Variants in PXDNL observed in about 807,000 individuals in gnomAD.
The protein encoded by PXDNL is probable oxidoreductase PXDNL.
Under a neutral mutation model 150.8 loss-of-function variants are expected in PXDNL, and 145 were observed. That is an observed-to-expected ratio of 0.96 (90% CI 0.84 to 1.10). The LOEUF is 1.10. Ranked by LOEUF, PXDNL falls within the 50% of genes least tolerant of loss-of-function variation. The pLI, the probability that PXDNL is intolerant of heterozygous loss-of-function variation, is 0.00. For missense variants in PXDNL, 2,087 were observed against 1,873.9 expected (o/e 1.11, Z -2.10); for synonymous variants, 757 against 725.7 (o/e 1.04, Z -0.69).
At chr8:51,761,585 G>A (rs1420790195) in intron 1 of PXDNL, among the ~76,000 whole-genome samples, 1 of 152,110 alleles carries the variant, frequency 6.6e-6, no homozygotes, top group Non-Finnish European at 1.5e-5. Flanking sequence ...AAAAAGCTAA[G>A]ATTTAAAGCT....
intron 4 of PXDNL, among the ~76,000 whole-genome samples, chr8:51,538,473 A>T (rs1312668764): frequency 6.6e-6 from 1 of 152,142 alleles, no homozygotes; most frequent in African/African-American, 2.4e-5. Flanking sequence ...AACAATTTTT[A>T]AAAATAAATC....
chr8:51,572,460 C>T (rs975372452), intron 3 of PXDNL, among the ~76,000 whole-genome samples: 12 of 151,742 alleles, frequency 7.9e-5, no homozygotes, highest in Admixed American at 2.0e-4. Context: ...TAAACCAAAA[C>T]GAAGGTGAAA....
intron 2 of PXDNL, among the ~76,000 whole-genome samples, chr8:51,608,736 C>A (rs1319913650): frequency 6.9e-6 from 1 of 145,308 alleles, no homozygotes; most frequent in Non-Finnish European, 1.5e-5. Context: ...GCTCGGGAGG[C>A]TGAGGCAGGA....
intron 4 of PXDNL, among the ~76,000 whole-genome samples, chr8:51,525,964 C>T (rs1355482377): frequency 1.3e-5 from 2 of 152,214 alleles, no homozygotes; most frequent in African/African-American, 4.8e-5. Flanking sequence ...AAATGGCATG[C>T]TCACTCATAC....
At chr8:51,507,191 T>TATAATAATG (rs1308212436) in intron 4 of PXDNL, among the ~76,000 whole-genome samples, 2 of 152,204 alleles carry the variant, frequency 1.3e-5, no homozygotes, top group Non-Finnish European at 1.5e-5. Flanking sequence ...GAATACCTAT[T>TATAATAATG]ATAATAATGG....
At chr8:51,359,556 G>C (rs1008502574) in intron 19 of PXDNL, among the ~76,000 whole-genome samples, 1 of 69,176 alleles carries the variant, frequency 1.4e-5, no homozygotes, top group Admixed American at 1.9e-4. Flanking sequence ...GAACGTTTCA[G>C]AAGGAAAAAA....
chr8:51,719,444 A>T (rs1241907089), intron 1 of PXDNL, among the ~76,000 whole-genome samples: 2 of 152,178 alleles, frequency 1.3e-5, no homozygotes, highest in African/African-American at 2.4e-5. Flanking sequence ...TGAAGGCAGC[A>T]TGCTCTTTAA....
chr8:51,527,255 C>T (rs914937091), intron 4 of PXDNL, among the ~76,000 whole-genome samples: 2 of 151,174 alleles, frequency 1.3e-5, no homozygotes, highest in South Asian at 4.2e-4. Flanking sequence ...CCTTCACACA[C>T]CCCCTTCCTA....
At chr8:51,499,575 C>A in intron 5 of PXDNL, 124 bp downstream of exon 5, 1 of 656,770 alleles carries the variant, frequency 1.5e-6, no homozygotes, top group South Asian at 2.0e-5. Flanking sequence ...TTTGTAGTGC[C>A]AAGGTACAGG....
intron 1 of PXDNL, among the ~76,000 whole-genome samples, chr8:51,733,228 CAT>C (rs1404204127): frequency 6.6e-6 from 1 of 152,186 alleles, no homozygotes. Flanking sequence ...GACTGTAAAA[CAT>C]ATTCACTAGC....
At position 51,408,372 on chromosome 8, in the gene PXDNL, C is replaced by T. The variant is rs748378571; in HGVS notation, c.3252G>A (p.Ala1084=). The change falls in exon 17 of 23, where the codon GCG becomes GCA. Residue 1084 remains alanine, a synonymous_variant. Coordinates refer to ENST00000356297, the MANE Select transcript of PXDNL (RefSeq NM_144651.5). ...TGATTATTCTGGACGGTGAAAAGAG[C>T]GCTTTATGGAACGGAAGGTGGCCTT... ...ISEGHLPFHK[A]LFSPSRIIKE... is the part of the protein sequence containing the mutation. 7 of 1,613,884 alleles carry T rather than the reference C, an allele frequency of 4.3e-6. No homozygotes were observed. The highest frequency in any genetic ancestry group is 2.2e-5 in the East Asian group (1 of 44,896).
chr8:51,594,531 A>C (rs186930281), intron 2 of PXDNL, among the ~76,000 whole-genome samples: 14 of 152,340 alleles, frequency 9.2e-5, no homozygotes, highest in African/African-American at 2.6e-4. Flanking sequence ...AAATTTTAAC[A>C]AAAATGAAAC....
At chr8:51,364,701 AAACAGAACAC>A (rs1806862014) in intron 19 of PXDNL, among the ~76,000 whole-genome samples, 1 of 152,170 alleles carries the variant, frequency 6.6e-6, no homozygotes, top group Non-Finnish European at 1.5e-5. Flanking sequence ...AATCAGTCAG[AAACAGAACAC>A]GGATACCCTC....
intron 2 of PXDNL, among the ~76,000 whole-genome samples, chr8:51,641,560 C>G (rs908730790): frequency 6.6e-6 from 1 of 152,062 alleles, no homozygotes; most frequent in Non-Finnish European, 1.5e-5. Context: ...TGAACAGACA[C>G]TTCTCAAAAG....
chr8:51,719,635 A>G (rs908561931), intron 1 of PXDNL, among the ~76,000 whole-genome samples: 2 of 151,542 alleles, frequency 1.3e-5, no homozygotes, highest in Non-Finnish European at 2.9e-5. Flanking sequence ...AAGAATGATC[A>G]ATTTAAAAAA....
chr8:51,678,169 C>T (rs969067744), intron 1 of PXDNL, among the ~76,000 whole-genome samples: 1 of 152,194 alleles, frequency 6.6e-6, no homozygotes, highest in African/African-American at 2.4e-5. Context: ...TGGCACTCCT[C>T]AGTATAAGGA....
chr8:51,451,307 T>C (rs1809803930), intron 10 of PXDNL, among the ~76,000 whole-genome samples: 1 of 152,162 alleles, frequency 6.6e-6, no homozygotes, highest in African/African-American at 2.4e-5. Flanking sequence ...ATAGTCAATT[T>C]ACATTTGTTT....
intron 4 of PXDNL, among the ~76,000 whole-genome samples, chr8:51,527,305 G>A (rs1175164233): frequency 6.6e-6 from 1 of 152,092 alleles, no homozygotes; most frequent in Non-Finnish European, 1.5e-5. Flanking sequence ...TACCTGCCGT[G>A]TTTTCATGAT....
chr8:51,409,326 C>T lies in PXDNL; in HGVS notation c.2298G>A (p.Gly766=). 1 of 1,438,422 alleles carries T rather than the reference C, an allele frequency of 7.0e-7. No homozygotes were observed. Among genetic ancestry groups the T allele is most frequent in the Non-Finnish European group, 9.1e-7 (1 of 1,102,210 alleles). The allele number at this position is 1,438,422 out of a possible 1,614,324, so 89.1% of individuals were successfully genotyped here. Reference sequence around the variant, plus strand: ...GGCGGGAGCCCACAGGAAGGCCGAGCCCGCGGGGCGCGCGGATGCCGTCCC... The same window carrying T: ...GGCGGGAGCCCACAGGAAGGCCGAGTCCGCGGGGCGCGCGGATGCCGTCCC... ...AYRDGIRAPR[G]LGLPVGSRQP... Residue 766 remains glycine (G), a synonymous_variant, in exon 17 of 23, where the codon GGG becomes GGA. Transcript: ENST00000356297.
Sources: gnomAD v4.1 joint callset for allele counts (sites outside exome capture counted in the v4.1 genomes callset) on GRCh38, gnomAD v4.1.1 for gene constraint, MANE v1.5 for transcripts, NCBI Gene and HGNC (gene_info 2026-07-23, HGNC 2026-07-21) for gene names.